Variants in EMILIN2 observed in about 807,000 individuals in gnomAD.
EMILIN2 encodes the protein EMILIN-2.
A neutral mutation model predicts 87.1 loss-of-function variants in EMILIN2; 71 were observed. The observed-to-expected ratio is 0.82, with a 90% confidence interval of 0.67 to 0.99. The LOEUF is 0.99. Ranked by LOEUF, EMILIN2 falls within the 50% of genes least tolerant of loss-of-function variation. EMILIN2 has a pLI of 0.00. For synonymous variants in EMILIN2, 581 were observed against 563.4 expected, an observed-to-expected ratio of 1.03 and a Z score of -0.44; for missense variants, 1,407 against 1,371.8, an observed-to-expected ratio of 1.03 and a Z score of -0.40.
upstream of EMILIN2, chr18:2,846,683 G>A (rs887777340): frequency 4.4e-6 from 4 of 905,886 alleles, no homozygotes; most frequent in African/African-American, 7.2e-5. This position sits in a 1 kb window ranked among gnomAD's most constrained non-coding sequence, Gnocchi z 5.3. Flanking sequence ...CACGACGCGA[G>A]GACGGCCAGA....
At chr18:2,870,433 A>G (rs1056738917) in intron 2 of EMILIN2, among the ~76,000 whole-genome samples, 4 of 152,214 alleles carry the variant, frequency 2.6e-5, no homozygotes, top group Non-Finnish European at 5.9e-5. Flanking sequence ...TTCAAAGCCT[A>G]CATGTGGCCC....
At position 2,914,985 on chromosome 18, in the gene EMILIN2, T is replaced by A. The variant is rs1316207417; in HGVS notation, c.*1581T>A. 2 of 152,290 alleles carry A rather than the reference T, an allele frequency of 1.3e-5. No homozygotes were observed. The highest frequency in any genetic ancestry group is 6.5e-5 in the Admixed American group (1 of 15,294). 9.4% of individuals were successfully genotyped at this position (152,290 alleles called of 1,614,324 possible). ...GAATGACTCATGGAAAGCGCCCCAG[T>A]GCAGCAGTGTTTTCAGGAAAACCCA... On this transcript the variant is annotated 3_prime_UTR_variant, in exon 8 of 8. Coordinates refer to ENST00000254528, the MANE Select transcript of EMILIN2 (RefSeq NM_032048.3).
In EMILIN2 at chr18:2,847,923, G is replaced by C. The variant is rs897773358; in HGVS notation, c.249G>C (p.Ser83=). The stretch of plus-strand genomic sequence containing the variant: ...CCTGGAACCAGATGCCCTGTCCGTC[G>C]GCGCTGGTGTAAGTCCTGGAGCCGG... ...NCAWNQMPCP[S]ALVYRVNFRP... Residue 83 remains serine, a synonymous_variant, in exon 2 of 8, where the codon TCG becomes TCC. Coordinates refer to ENST00000254528, the MANE Select transcript of EMILIN2 (RefSeq NM_032048.3). This position sits in a 1 kb window ranked among gnomAD's most constrained non-coding sequence, Gnocchi z 4.5. 1 of 1,611,126 alleles carries C rather than the reference G, an allele frequency of 6.2e-7. No homozygotes were observed.
intron 2 of EMILIN2, among the ~76,000 whole-genome samples, chr18:2,871,627 C>T (rs915759024): frequency 4.6e-5 from 7 of 152,154 alleles, no homozygotes; most frequent in Non-Finnish European, 1.0e-4. Context: ...TCTGTGTGCT[C>T]CTCTGTTGAG....
chr18:2,873,386 G>T (rs1431314688), intron 2 of EMILIN2, among the ~76,000 whole-genome samples: 1 of 151,806 alleles, frequency 6.6e-6, no homozygotes, highest in East Asian at 1.9e-4. Flanking sequence ...CTCCAGCCTG[G>T]GTGACAGAGT....
At chr18:2,910,788 T>C (rs965342068) in intron 7 of EMILIN2, among the ~76,000 whole-genome samples, 1 of 152,230 alleles carries the variant, frequency 6.6e-6, no homozygotes. Context: ...ATCCCATCTG[T>C]CCTTAGTCAG....
chr18:2,857,818 C>T (rs947982469), intron 2 of EMILIN2, among the ~76,000 whole-genome samples: 5 of 152,314 alleles, frequency 3.3e-5, no homozygotes, highest in African/African-American at 1.2e-4. Context: ...AGATTTTGGG[C>T]AGCTTTCAGC....
chr18:2,892,246 T>C lies in EMILIN2; in HGVS notation c.2119T>C (p.Ser707Pro). The change falls in exon 4 of 8, where the codon TCT becomes CCT. Residue 707 changes from serine (S) to proline (P), a missense_variant. By Grantham distance (74) the Ser-to-Pro change is moderately conservative. Transcript: ENST00000254528. ...REVSMVEGRV[S>P]HMEKTCSKLD... ...GGTCTCCATGGTGGAGGGCAGGGTG[T>C]CTCATATGGAGAAAACTTGCAGCAA... 6.2e-7 allele frequency: 1 copy of C among 1,612,796 alleles called. No homozygotes were observed. Among genetic ancestry groups the C allele is most frequent in the Non-Finnish European group, 8.5e-7 (1 of 1,178,996 alleles).
In EMILIN2 at chr18:2,890,421, C is replaced by A; in HGVS notation, c.434-140C>A. ...AAGCCCATACTCTTTTCTACTGTAC[C>A]ACAGTACTTACCTACAATTGTGTAG... On this transcript the variant is annotated intron_variant, in intron 3 of 7. Transcript: ENST00000254528. This position sits in a 1 kb window ranked among gnomAD's most constrained non-coding sequence, Gnocchi z 4.7. 1 of 980,392 alleles carries A rather than the reference C, an allele frequency of 1.0e-6. No homozygotes were observed. The highest frequency in any genetic ancestry group is 1.5e-6 in the Non-Finnish European group (1 of 680,040). 60.7% of individuals were successfully genotyped at this position (980,392 alleles called of 1,614,324 possible).
At chr18:2,898,048 C>A (rs879695005) in intron 4 of EMILIN2, among the ~76,000 whole-genome samples, 2 of 152,194 alleles carry the variant, frequency 1.3e-5, no homozygotes, top group African/African-American at 4.8e-5. Flanking sequence ...CCCTCCTTCC[C>A]AGATGGACTC....
At chr18:2,901,711 TGTTCA>T (rs1399437421) in intron 4 of EMILIN2, among the ~76,000 whole-genome samples, 1 of 152,218 alleles carries the variant, frequency 6.6e-6, no homozygotes, top group Non-Finnish European at 1.5e-5. Context: ...TAGAAACACA[TGTTCA>T]GTTCAGAAAG....
chr18:2,907,555 C>G (rs2076920682), intron 5 of EMILIN2, among the ~76,000 whole-genome samples: 1 of 152,178 alleles, frequency 6.6e-6, no homozygotes, highest in Non-Finnish European at 1.5e-5. Context: ...ACCTCAGAGG[C>G]TTACTGTGAG....
intron 4 of EMILIN2, among the ~76,000 whole-genome samples, chr18:2,899,783 C>T (rs1021640123): frequency 3.3e-5 from 5 of 152,148 alleles, no homozygotes; most frequent in Admixed American, 6.5e-5. Context: ...GGATTACAGG[C>T]GTGAGCCACC....
rs2076956239 is a variant in EMILIN2 at position 2,914,360 on chromosome 18, G to C, written c.*956G>C. 1.3e-5 allele frequency: 2 copies of C among 152,180 alleles called. No individual in the cohort carries two copies. Among genetic ancestry groups the C allele is most frequent in the Non-Finnish European group, 2.9e-5 (2 of 68,044 alleles). 9.4% of individuals were successfully genotyped at this position (152,180 alleles called of 1,614,324 possible). On this transcript the variant is annotated 3_prime_UTR_variant, in exon 8 of 8. Coordinates refer to ENST00000254528, the MANE Select transcript of EMILIN2 (RefSeq NM_032048.3). ...CTCAGATCCCACAGCAGCTGCCCAG[G>C]CTAACTTGATCCCTGCTGCTTCACT...
At chr18:2,868,661 G>C (rs376488760) in intron 2 of EMILIN2, among the ~76,000 whole-genome samples, 5,610 of 152,302 alleles carry the variant, frequency 0.037, 117 homozygotes, top group South Asian at 0.073. Flanking sequence ...TCAGGCGTGG[G>C]GGCGCGCGCC....
intron 5 of EMILIN2, among the ~76,000 whole-genome samples, chr18:2,908,320 G>A (rs182103954): frequency 2.6e-5 from 4 of 151,796 alleles, no homozygotes; most frequent in Admixed American, 2.0e-4. Flanking sequence ...ACATGTATCC[G>A]TGTATCCACC....
At position 2,913,898 on chromosome 18, in the gene EMILIN2, C is replaced by G. The variant is rs1059281; in HGVS notation, c.*494C>G. On this transcript the variant is annotated 3_prime_UTR_variant, in exon 8 of 8. Transcript: ENST00000254528. Reference sequence around the variant, plus strand: ...GACCCCGACTTTAGTTTGGGCTGTTCCACGCTTGGCTCACCATTGCCGCCT... The same window carrying G: ...GACCCCGACTTTAGTTTGGGCTGTTGCACGCTTGGCTCACCATTGCCGCCT... The G allele has an allele frequency of 0.23, 35,835 of 157,590 alleles. 5,179 individuals are homozygous for G. Among genetic ancestry groups the G allele is most frequent in the East Asian group, 0.37 (1,905 of 5,218 alleles). The allele number at this position is 157,590 out of a possible 1,614,324, so 9.8% of individuals were successfully genotyped here. A position where few individuals can be genotyped will look rare whatever the true frequency, so the allele number is the denominator to read the frequency against.
chr18:2,886,030 G>A (rs1403336508), intron 3 of EMILIN2, among the ~76,000 whole-genome samples: 1 of 152,116 alleles, frequency 6.6e-6, no homozygotes, highest in Non-Finnish European at 1.5e-5. Flanking sequence ...AAATATTTAA[G>A]GATACATAAT....
At chr18:2,910,056 G>A (rs550837379) in intron 7 of EMILIN2, among the ~76,000 whole-genome samples, 2 of 152,174 alleles carry the variant, frequency 1.3e-5, no homozygotes, top group South Asian at 4.1e-4. Flanking sequence ...CTAGTCGTGA[G>A]GTCAACACGC....
Sources: allele counts gnomAD v4.1 joint callset (sites outside exome capture counted in the v4.1 genomes callset), GRCh38; gene constraint gnomAD v4.1.1; non-coding constraint Gnocchi (gnomAD v3.1); transcripts MANE v1.5; gene names NCBI Gene and HGNC (gene_info 2026-07-23, HGNC 2026-07-21).